RORA: variants seen among roughly 807,000 people sequenced by gnomAD.
The protein encoded by RORA is nuclear receptor ROR-alpha.
Under a neutral mutation model 69.5 loss-of-function variants are expected in RORA, and 7 were observed. The ratio of observed to expected loss-of-function variants is 0.10; its 90% CI spans 0.06 to 0.19. RORA has a LOEUF of 0.19. Ranked by LOEUF, RORA falls within the 10% of genes least tolerant of loss-of-function variation. RORA has a pLI of 1.00. For missense variants in RORA, 457 were observed against 663.0 expected, an observed-to-expected ratio of 0.69 and a Z score of 3.41; for synonymous variants, 261 against 240.8, an observed-to-expected ratio of 1.08 and a Z score of -0.78.
intron 1 of RORA, among the ~76,000 whole-genome samples, chr15:61,086,566 G>A (rs1156716344): frequency 6.6e-6 from 1 of 152,048 alleles, no homozygotes; most frequent in African/African-American, 2.4e-5. Flanking sequence ...ACTGCACAGG[G>A]ACAAATAAAA....
intron 1 of RORA, among the ~76,000 whole-genome samples, chr15:60,695,643 C>T (rs932635721): frequency 5.9e-5 from 9 of 152,186 alleles, no homozygotes; most frequent in South Asian, 4.1e-4. Context: ...GATGCCAATA[C>T]GGACGAAGGT....
chr15:60,930,740 TGG>T (rs758508248), intron 1 of RORA, among the ~76,000 whole-genome samples: 5 of 152,204 alleles, frequency 3.3e-5, no homozygotes, highest in Admixed American at 6.5e-5. Context: ...CCCACCTCTG[TGG>T]TTACACTTTG....
intron 1 of RORA, among the ~76,000 whole-genome samples, chr15:60,832,230 G>A (rs1023582502): frequency 1.3e-5 from 2 of 152,114 alleles, no homozygotes; most frequent in Non-Finnish European, 2.9e-5. Context: ...CTTTCAGGTG[G>A]GGCCCTAGAA....
At chr15:61,179,137 T>A (rs1377228215) in intron 1 of RORA, among the ~76,000 whole-genome samples, 1 of 152,164 alleles carries the variant, frequency 6.6e-6, no homozygotes, top group Non-Finnish European at 1.5e-5. Context: ...ACCTCCAGGA[T>A]TCAGTATCTC....
In RORA at chr15:60,597,613, TATATACATAC is replaced by T. The variant is rs1567115614; in HGVS notation, c.197-65772_197-65763del. ...ATATATACACATATATATATATATA[TATATACATAC>T]ATATATATACATATATATATATATA... On this transcript the variant is annotated intron_variant, in intron 2 of 10. Transcript: ENST00000335670. Among the ~76,000 whole-genome samples the T allele has an allele frequency of 1.6e-3, 74 of 45,116 alleles. 4 individuals carry two copies. Among genetic ancestry groups the T allele is most frequent in the African/African-American group, 6.4e-3 (58 of 9,068 alleles). 29.6% of individuals were successfully genotyped at this position (45,116 alleles called of 152,430 possible). A position where few individuals can be genotyped will look rare whatever the true frequency, so the allele number is the denominator to read the frequency against.
At chr15:61,145,294 A>ATAT (rs1356572048) in intron 1 of RORA, among the ~76,000 whole-genome samples, 2 of 152,206 alleles carry the variant, frequency 1.3e-5, no homozygotes, top group African/African-American at 4.8e-5. Context: ...AGGCACTTTA[A>ATAT]TACATTATCT....
intron 1 of RORA, among the ~76,000 whole-genome samples, chr15:61,124,652 C>T (rs1288547460): frequency 2.6e-5 from 4 of 152,104 alleles, no homozygotes; most frequent in Non-Finnish European, 5.9e-5. Flanking sequence ...CCCAGCATAA[C>T]TTTTCCTCAA....
intron 1 of RORA, among the ~76,000 whole-genome samples, chr15:61,197,412 A>C (rs896163629): frequency 6.6e-6 from 1 of 152,204 alleles, no homozygotes; most frequent in African/African-American, 2.4e-5. Context: ...CTGAGTTCTA[A>C]GCACCGCCGG....
intron 1 of RORA, among the ~76,000 whole-genome samples, chr15:60,988,423 A>G (rs1894275231): frequency 6.6e-6 from 1 of 152,236 alleles, no homozygotes; most frequent in South Asian, 2.1e-4. Context: ...AATTACCTCC[A>G]TTCAGCTCAG....
intron 1 of RORA, among the ~76,000 whole-genome samples, chr15:61,168,604 G>T (rs952127732): frequency 6.6e-6 from 1 of 151,962 alleles, no homozygotes; most frequent in East Asian, 1.9e-4. Flanking sequence ...AAATAAAAAC[G>T]TGTGTCTTAA....
chr15:60,641,282 C>T (rs1034787695), intron 2 of RORA, among the ~76,000 whole-genome samples: 5 of 151,958 alleles, frequency 3.3e-5, no homozygotes, highest in African/African-American at 1.2e-4. Flanking sequence ...CTGAGTAAAC[C>T]TAGAACAATG....
chr15:60,615,052 C>A (rs1445747414), intron 2 of RORA: 1 of 1,602,340 alleles, frequency 6.2e-7, no homozygotes, highest in African/African-American at 1.3e-5. Context: ...AGAACAGCGT[C>A]AACCCACACA....
chr15:61,010,504 C>T (rs999519248), intron 1 of RORA, among the ~76,000 whole-genome samples: 1 of 152,160 alleles, frequency 6.6e-6, no homozygotes, highest in African/African-American at 2.4e-5. Flanking sequence ...GCTGAGAGAT[C>T]GATCACCTGG....
intron 1 of RORA, among the ~76,000 whole-genome samples, chr15:61,136,885 A>T (rs1251767600): frequency 6.6e-6 from 1 of 152,136 alleles, no homozygotes; most frequent in Non-Finnish European, 1.5e-5. Context: ...TCCAAAGTCA[A>T]GATGGCCTCA....
At chr15:61,192,017 C>T (rs1048028137) in intron 1 of RORA, among the ~76,000 whole-genome samples, 3 of 152,332 alleles carry the variant, frequency 2.0e-5, no homozygotes, top group Admixed American at 6.5e-5. Flanking sequence ...CTTGGGTTGA[C>T]AGAGCTACGT....
At chr15:60,839,621 A>G (rs1395018615) in intron 1 of RORA, among the ~76,000 whole-genome samples, 1 of 152,196 alleles carries the variant, frequency 6.6e-6, no homozygotes, top group Non-Finnish European at 1.5e-5. Flanking sequence ...TGCACGTGGC[A>G]GAGAGGAACC....
intron 1 of RORA, among the ~76,000 whole-genome samples, chr15:60,977,289 G>A (rs1038102264): frequency 1.3e-4 from 20 of 151,960 alleles, no homozygotes; most frequent in Non-Finnish European, 2.4e-4. Context: ...AAGCAAGAAT[G>A]GTATTCTGTA....
intron 2 of RORA, among the ~76,000 whole-genome samples, chr15:60,668,662 C>T (rs1335632698): frequency 2.0e-5 from 3 of 152,108 alleles, no homozygotes; most frequent in African/African-American, 4.8e-5. Context: ...ATTATCCCGA[C>T]GCCCCAACCT....
At chr15:60,786,759 C>T (rs2072340407) in intron 1 of RORA, among the ~76,000 whole-genome samples, 1 of 152,258 alleles carries the variant, frequency 6.6e-6, no homozygotes, top group Non-Finnish European at 1.5e-5. Context: ...TTGCCTGGGA[C>T]TGGCAAACAA....
Sources: allele counts gnomAD v4.1 joint callset (sites outside exome capture counted in the v4.1 genomes callset), GRCh38; gene constraint gnomAD v4.1.1; transcripts MANE v1.5; gene names NCBI Gene and HGNC (gene_info 2026-07-23, HGNC 2026-07-21).